The following RNF135 variants were observed in gnomAD, a reference collection of about 807,000 sequenced individuals.
RNF135 encodes E3 ubiquitin-protein ligase RNF135.
In RNF135, 46 loss-of-function variants were observed where a neutral mutation model predicts 41.9. The observed-to-expected ratio is 1.10, with a 90% CI of 0.87 to 1.40. The LOEUF is 1.40. Ranked by LOEUF, RNF135 falls within the 40% of genes most tolerant of loss-of-function variation. RNF135 has a pLI of 0.00. For synonymous variants in RNF135, 238 were observed against 223.8 expected (o/e 1.06, Z -0.57); for missense variants, 539 against 549.8 (o/e 0.98, Z 0.20).
intron 1 of RNF135, chr17:30,971,818 C>G: frequency 1.3e-6 from 1 of 745,088 alleles, no homozygotes; most frequent in South Asian, 3.8e-5. Flanking sequence ...GAGTCTCGCT[C>G]TGTCGCCCAG....
chr17:30,997,512 C>G (rs1246174283), intron 4 of RNF135, 181 bp downstream of exon 4: 4 of 670,558 alleles, frequency 6.0e-6, no homozygotes, highest in South Asian at 1.5e-5. Context: ...ACTCTAGACC[C>G]AAGAGCACTC....
chr17:30,965,444 CAA>C, the RNF135 span: 1 of 151,968 alleles, frequency 6.6e-6, no homozygotes, highest in African/African-American at 2.4e-5. Flanking sequence ...AGCACCTTTC[CAA>C]AAAATATTAG....
At chr17:30,970,342 C>G (rs1445128938), upstream of RNF135, 2 of 152,134 alleles carry the variant, frequency 1.3e-5, no homozygotes, top group Non-Finnish European at 1.5e-5. Flanking sequence ...GAATTTTGTC[C>G]GAGTGTCTGT....
At chr17:30,993,576 T>C (rs1298772031) in intron 3 of RNF135, among the ~76,000 whole-genome samples, 1 of 152,154 alleles carries the variant, frequency 6.6e-6, no homozygotes, top group Non-Finnish European at 1.5e-5. Context: ...TCATGTTTAA[T>C]GATATTGCTC....
At chr17:30,965,381 A>ATG in the RNF135 span, 1 of 152,004 alleles carries the variant, frequency 6.6e-6, no homozygotes, top group African/African-American at 2.4e-5. Context: ...ATGTATATAT[A>ATG]TATGTATACA....
In RNF135 at chr17:30,971,103, T is replaced by G. The variant is rs1567734601; in HGVS notation, c.30T>G (p.Val10=). The G allele has an allele frequency of 2.0e-6, 3 of 1,534,232 alleles. No individual in the cohort carries two copies. Among genetic ancestry groups the G allele is most frequent in the Non-Finnish European group, 1.7e-6 (2 of 1,146,128 alleles). The part of the protein sequence containing the change: MAGLGLGSA[V]PVWLAEDDLG... ...CGGGCCTGGGCCTGGGCTCCGCCGT[T>G]CCCGTGTGGCTGGCCGAGGACGACC... is the stretch of plus-strand genomic sequence containing the variant. The change falls in exon 1 of 5, where the codon GTT becomes GTG. Residue 10 remains valine (V), a synonymous_variant. Transcript: ENST00000328381.
chr17:30,995,846 C>T (rs1469281609), intron 3 of RNF135, among the ~76,000 whole-genome samples: 15 of 151,748 alleles, frequency 9.9e-5, no homozygotes, highest in African/African-American at 3.1e-4. Context: ...CTCTGCCTCC[C>T]GGGTTCAAGC....
chr17:30,984,125 C>G (rs898457497), intron 1 of RNF135, among the ~76,000 whole-genome samples: 1 of 152,064 alleles, frequency 6.6e-6, no homozygotes, highest in South Asian at 2.1e-4. Flanking sequence ...TTGTTCGTGT[C>G]TTTTGATGCA....
At chr17:30,973,347 CA>C (rs758464702) in intron 1 of RNF135, 2 of 152,018 alleles carry the variant, frequency 1.3e-5, no homozygotes, top group Non-Finnish European at 2.9e-5. Context: ...CTTTGATGTG[CA>C]AAAGTTTTAA....
intron 3 of RNF135, among the ~76,000 whole-genome samples, chr17:30,988,753 TTC>T (rs1314768463): frequency 6.8e-6 from 1 of 146,780 alleles, no homozygotes; most frequent in African/African-American, 2.5e-5. Context: ...AAATGTCTTC[TTC>T]TTTTTTTTTT....
At chr17:30,981,886 A>ACGTT (rs775832851) in intron 1 of RNF135, among the ~76,000 whole-genome samples, 4 of 152,200 alleles carry the variant, frequency 2.6e-5, no homozygotes, top group Non-Finnish European at 5.9e-5. Flanking sequence ...CTCTTCTCAT[A>ACGTT]CGTTCTCCAA....
upstream of RNF135, among the ~76,000 whole-genome samples, chr17:30,969,971 T>G (rs1488773548): frequency 6.6e-6 from 1 of 151,916 alleles, no homozygotes; most frequent in South Asian, 2.1e-4. Flanking sequence ...GAGATGAGGG[T>G]TCACCATGTT....
At chr17:30,983,353 A>ATATATATATATATATTT (rs1420453160) in intron 1 of RNF135, among the ~76,000 whole-genome samples, 5 of 35,726 alleles carry the variant, frequency 1.4e-4, no homozygotes, top group Non-Finnish European at 2.7e-4. Flanking sequence ...ATATATATAT[A>ATATATATATATATATTT]TTTTTTTTTT....
Position 30,971,286 on chromosome 17 carries a change from C to A in RNF135, c.213C>A (p.His71Gln). 6.5e-7 allele frequency: 1 copy of A among 1,527,460 alleles called. No individual in the cohort carries two copies. The highest frequency in any genetic ancestry group is 1.4e-5 in the African/African-American group (1 of 69,732). 94.6% of individuals were successfully genotyped at this position (1,527,460 alleles called of 1,614,324 possible). ...TCRQGAAQQP[H>Q]LRKNTLLQDL... is the part of the protein sequence containing the mutation. ...GCCAGGGCGCCGCGCAGCAGCCGCACCTGCGGAAGAACACGCTACTGCAGG... is the reference window on the plus strand; with the variant it reads ...GCCAGGGCGCCGCGCAGCAGCCGCAACTGCGGAAGAACACGCTACTGCAGG... Residue 71 changes from histidine to glutamine, a missense_variant, in exon 1 of 5, where the codon CAC (histidine) becomes CAA (glutamine). Physicochemically the swap from His to Gln is conservative, Grantham distance 24 (BLOSUM62 0). Coordinates refer to ENST00000328381, the MANE Select transcript of RNF135 (RefSeq NM_032322.4).
intron 2 of RNF135, among the ~76,000 whole-genome samples, chr17:30,986,261 A>G (rs888183860): frequency 6.7e-6 from 1 of 148,250 alleles, no homozygotes; most frequent in Non-Finnish European, 1.5e-5. Flanking sequence ...CAGTGGCGTG[A>G]TCTCAGCTCA....
At chr17:30,983,958 T>A (rs1259225663) in intron 1 of RNF135, among the ~76,000 whole-genome samples, 1 of 152,192 alleles carries the variant, frequency 6.6e-6, no homozygotes, top group Non-Finnish European at 1.5e-5. Context: ...TGTTTGTGGG[T>A]TTTTGCTTGT....
Position 30,984,753 on chromosome 17 carries a change from T to C in RNF135, c.509T>C (p.Leu170Pro), listed in dbSNP as rs1907465663. 1 of 1,614,042 alleles carries C rather than the reference T, an allele frequency of 6.2e-7. No homozygotes were observed. Among genetic ancestry groups the C allele is most frequent in the South Asian group, 1.1e-5 (1 of 91,086 alleles). ...ESGPDNELSI[L>P]GKAFSSGVDL... ...GGACCAGACAACGAACTGAGCATCC[T>C]GGGCAAGGTAGGCTCCACTGGGAGA... Residue 170 changes from leucine to proline, a missense_variant, in exon 2 of 5, where the codon CTG (leucine) becomes CCG (proline). Physicochemically the swap from Leu to Pro is moderately conservative, Grantham distance 98. Around this residue, in one of 2 missense-constraint regions of RNF135, gnomAD observed 262 missense variants for 336.9 expected, o/e 0.78. Transcript: ENST00000328381.
intron 3 of RNF135, among the ~76,000 whole-genome samples, chr17:30,991,441 A>T: frequency 7.1e-6 from 1 of 139,890 alleles, no homozygotes. Context: ...TTTGAGACTG[A>T]GTCTCGCTCT....
At chr17:30,987,637 T>A (rs1346828228) in intron 2 of RNF135, among the ~76,000 whole-genome samples, 1 of 152,180 alleles carries the variant, frequency 6.6e-6, no homozygotes, top group South Asian at 2.1e-4. Context: ...TTTTTTGGTA[T>A]TACCTAAGAA....
Sources: allele counts gnomAD v4.1 joint callset (sites outside exome capture counted in the v4.1 genomes callset), GRCh38; gene constraint gnomAD v4.1.1; regional missense constraint gnomAD v4.1.1; transcripts MANE v1.5; gene names NCBI Gene and HGNC (gene_info 2026-07-23, HGNC 2026-07-21).